The following VCAN variants were observed in gnomAD, a reference collection of about 807,000 sequenced individuals.
VCAN encodes versican core protein.
In VCAN, 44 loss-of-function variants were observed where a neutral mutation model predicts 245.5. That is an observed-to-expected ratio of 0.18 (90% CI 0.14 to 0.23). VCAN has a LOEUF of 0.23. VCAN is among the 10% of genes least tolerant of loss of function. The pLI, the probability that VCAN is intolerant of heterozygous loss-of-function variation, is 1.00. For missense variants in VCAN, 3,793 were observed against 4,057.9 expected, an observed-to-expected ratio of 0.93 and a Z score of 1.77; for synonymous variants, 1,413 against 1,437.0, an observed-to-expected ratio of 0.98 and a Z score of 0.38.
chr5:83,572,504 A>G lies in VCAN; in HGVS notation c.9824A>G (p.Gln3275Arg), dbSNP rs780870136. The change falls in exon 13 of 15, where the codon CAG becomes CGG. Residue 3275 changes from glutamine (Q) to arginine (R), a missense_variant. Transcript: ENST00000265077. ...GTAATCATTTGGCATGAGAATGGCC[A>G]GTGGAATGATGTTCCCTGCAATTAC... ...CVVIIWHENG[Q>R]WNDVPCNYHL... The G allele has an allele frequency of 1.4e-5, 23 of 1,613,838 alleles. No individual in the cohort carries two copies. Among genetic ancestry groups the G allele is most frequent in the Admixed American group, 3.3e-5 (2 of 59,984 alleles).
In VCAN at chr5:83,538,439, C is replaced by T; in HGVS notation, c.5436C>T (p.Ile1812=). 1 of 1,614,016 alleles carries T rather than the reference C, an allele frequency of 6.2e-7. No homozygotes were observed. The highest frequency in any genetic ancestry group is 8.5e-7 in the Non-Finnish European group (1 of 1,179,966). Residue 1812 remains isoleucine (I), a synonymous_variant, in exon 8 of 15, where the codon ATC becomes ATT. Coordinates refer to ENST00000265077, the MANE Select transcript of VCAN (RefSeq NM_004385.5). The part of the protein sequence containing the change: ...LGAQTTEHSS[I]HQPGVQEGLT... ...CACAGACCACTGAGCACAGCAGTAT[C>T]CATCAACCTGGGGTTCAGGAAGGGC... is the stretch of plus-strand genomic sequence containing the variant.
intron 7 of VCAN, among the ~76,000 whole-genome samples, chr5:83,525,945 C>CT (rs1359254349): frequency 8.6e-4 from 125 of 145,580 alleles, no homozygotes; most frequent in Middle Eastern, 3.6e-3. Context: ...AGAGTCATCA[C>CT]TTTTTTTTTT....
chr5:83,509,935 A>AG lies in VCAN; in HGVS notation c.749-2163dup, dbSNP rs762658246. On this transcript the variant is annotated intron_variant, in intron 5 of 14. Transcript: ENST00000265077. ...TATTTAATGTGCTGTTGGGAAGGAT[A>AG]GGGGGAAAAAAGAGACCTAGCTTCT... 9.9e-5 allele frequency among the ~76,000 whole-genome samples: 15 copies of AG among 152,172 alleles called. 1 individual carries two copies. Among genetic ancestry groups the AG allele is most frequent in the Non-Finnish European group, 1.8e-4 (12 of 68,038 alleles).
At chr5:83,519,298 A>G in intron 6 of VCAN, 51 bp from the exon 7 acceptor site, 1 of 1,597,686 alleles carries the variant, frequency 6.3e-7, no homozygotes, top group Non-Finnish European at 8.6e-7. Context: ...CTGGGCATAC[A>G]AGTTTTTATT....
rs1746945054 is a variant in VCAN, at chr5:83,540,826, G to A, written c.7823G>A (p.Ser2608Asn). ...GAGGTACCATCAGAACCACATGACAGTAATGATGAAAGTAATGATGACAGC... is the reference window on the plus strand; with the variant it reads ...GAGGTACCATCAGAACCACATGACAATAATGATGAAAGTAATGATGACAGC... ...DTEVPSEPHD[S>N]NDESNDDSTQ... Residue 2608 changes from serine (S) to asparagine (N), a missense_variant, in exon 8 of 15, where the codon AGT becomes AAT. This residue lies in a region of VCAN where 3,182 missense variants were observed against 3,250.3 expected (regional missense o/e 0.98). Transcript: ENST00000265077. 1.2e-6 allele frequency: 2 copies of A among 1,613,982 alleles called. No homozygotes were observed. Among genetic ancestry groups the A allele is most frequent in the Admixed American group, 1.7e-5 (1 of 59,986 alleles).
chr5:83,551,995 C>T (rs1343496327), intron 10 of VCAN, among the ~76,000 whole-genome samples: 1 of 152,188 alleles, frequency 6.6e-6, no homozygotes, highest in African/African-American at 2.4e-5. Context: ...AAACGCAAAG[C>T]TTCCAGTGCA....
chr5:83,477,384 G>A (rs1744428133), intron 1 of VCAN, among the ~76,000 whole-genome samples: 2 of 152,088 alleles, frequency 1.3e-5, no homozygotes, highest in South Asian at 2.1e-4. Flanking sequence ...AATGAAGTTG[G>A]ACATTCAGTG....
At chr5:83,529,485 AT>A (rs1417378344) in intron 7 of VCAN, among the ~76,000 whole-genome samples, 1 of 152,026 alleles carries the variant, frequency 6.6e-6, no homozygotes, top group African/African-American at 2.4e-5. Context: ...ATAATACCTG[AT>A]TTAAAGTATA....
chr5:83,511,668 A>G (rs1423420474), intron 5 of VCAN, among the ~76,000 whole-genome samples: 2 of 152,148 alleles, frequency 1.3e-5, no homozygotes, highest in African/African-American at 4.8e-5. Context: ...TAGGATAAAC[A>G]AAGTGGAATA....
Position 83,512,252 on chromosome 5 carries a change from T to G in VCAN, c.898T>G (p.Ser300Ala), listed in dbSNP as rs750119024. 1.2e-6 allele frequency: 2 copies of G among 1,614,032 alleles called. No homozygotes were observed. Residue 300 changes from serine (S) to alanine (A), a missense_variant, in exon 6 of 15, where the codon TCG (serine) becomes GCG (alanine). Coordinates refer to ENST00000265077, the MANE Select transcript of VCAN (RefSeq NM_004385.5). ...GFDQCDYGWL[S>A]DASVRHPVTV... Reference sequence around the variant, plus strand: ...TGACCAGTGCGATTACGGGTGGCTGTCGGATGCCAGCGTGCGCCACCCTGT... The same window carrying G: ...TGACCAGTGCGATTACGGGTGGCTGGCGGATGCCAGCGTGCGCCACCCTGT...
At chr5:83,477,941 T>C (rs974471605) in intron 1 of VCAN, among the ~76,000 whole-genome samples, 1 of 149,550 alleles carries the variant, frequency 6.7e-6, no homozygotes, top group Non-Finnish European at 1.5e-5. Context: ...CAAAAAAAAA[T>C]AATTTTTTTC....
intron 1 of VCAN, among the ~76,000 whole-genome samples, chr5:83,474,718 G>A (rs1471409483): frequency 6.6e-6 from 1 of 152,242 alleles, no homozygotes; most frequent in Non-Finnish European, 1.5e-5. Context: ...GGGCGGGGCG[G>A]GGAAGGCAGG....
intron 8 of VCAN, among the ~76,000 whole-genome samples, chr5:83,544,377 T>C (rs1425823572): frequency 6.6e-6 from 1 of 152,250 alleles, no homozygotes; most frequent in Admixed American, 6.5e-5. Flanking sequence ...ATTCAGAATT[T>C]ACTTAACACT....
intron 1 of VCAN, among the ~76,000 whole-genome samples, chr5:83,476,422 C>A (rs1054871943): frequency 3.3e-5 from 5 of 152,120 alleles, no homozygotes; most frequent in Non-Finnish European, 7.4e-5. Flanking sequence ...TTTCACCACC[C>A]ACGTAGAGAA....
intron 5 of VCAN, among the ~76,000 whole-genome samples, chr5:83,499,337 C>G (rs1284938683): frequency 3.3e-5 from 5 of 152,084 alleles, no homozygotes; most frequent in Admixed American, 6.6e-5. Context: ...CCATAAACTT[C>G]TATATGTTTC....
chr5:83,476,417 C>T (rs1419276640), intron 1 of VCAN, among the ~76,000 whole-genome samples: 1 of 152,130 alleles, frequency 6.6e-6, no homozygotes, highest in African/African-American at 2.4e-5. Flanking sequence ...TATTTTTTCA[C>T]CACCCACGTA....
In VCAN at chr5:83,521,039, C is replaced by T; in HGVS notation, c.2733C>T (p.Ser911=). 6.2e-7 allele frequency: 1 copy of T among 1,614,010 alleles called. No individual in the cohort carries two copies. The highest frequency in any genetic ancestry group is 8.5e-7 in the Non-Finnish European group (1 of 1,179,960). Residue 911 remains serine, a synonymous_variant, in exon 7 of 15, where the codon AGC becomes AGT. Coordinates refer to ENST00000265077, the MANE Select transcript of VCAN (RefSeq NM_004385.5). ...TTEEKVPPIT[S]TEGQVYATME... is the part of the protein sequence containing the mutation. ...AAGAAAAAGTTCCACCTATCACAAG[C>T]ACTGAAGGCCAAGTTTATGCAACCA...
intron 7 of VCAN, among the ~76,000 whole-genome samples, chr5:83,523,395 C>T (rs906341722): frequency 3.6e-5 from 5 of 137,884 alleles, no homozygotes; most frequent in Non-Finnish European, 7.5e-5. Flanking sequence ...TCTGAGAAGA[C>T]AGGATAGAAG....
At chr5:83,516,792 T>C (rs1289651294) in intron 6 of VCAN, among the ~76,000 whole-genome samples, 6 of 152,262 alleles carry the variant, frequency 3.9e-5, no homozygotes, top group African/African-American at 1.4e-4. Flanking sequence ...CAGTGGTATT[T>C]ATTCTTAAAA....
Sources: allele counts gnomAD v4.1 joint callset (sites outside exome capture counted in the v4.1 genomes callset), GRCh38; gene constraint gnomAD v4.1.1; regional missense constraint gnomAD v4.1.1; transcripts MANE v1.5; gene names NCBI Gene and HGNC (gene_info 2026-07-23, HGNC 2026-07-21).